The following ERICH3 variants were observed in gnomAD, a reference collection of about 807,000 sequenced individuals.
ERICH3 encodes glutamate rich 3, also known as glutamate-rich protein 3.
In ERICH3, 126 loss-of-function variants were observed where a neutral mutation model predicts 131.1. That is an observed-to-expected ratio of 0.96 (90% confidence interval 0.83 to 1.11). The LOEUF (loss-of-function observed/expected upper bound fraction) is 1.11. Ranked by LOEUF, ERICH3 falls within the 50% of genes most tolerant of loss-of-function variation. The pLI, the probability that ERICH3 is intolerant of heterozygous loss-of-function variation, is 0.00. For missense variants in ERICH3, 2,050 were observed against 1,810.7 expected, an observed-to-expected ratio of 1.13 and a Z score of -2.40; for synonymous variants, 695 against 644.6, an observed-to-expected ratio of 1.08 and a Z score of -1.18.
Position 74,631,808 on chromosome 1 carries a change from C to A in ERICH3, c.724G>T (p.Gly242Trp). Residue 242 changes from glycine to tryptophan, a missense_variant, in exon 7 of 15, where the codon GGG becomes TGG. Physicochemically the swap from Gly to Trp is radical, Grantham distance 184 (BLOSUM62 -2). Coordinates refer to ENST00000326665, the MANE Select transcript of ERICH3 (RefSeq NM_001002912.5). Reference sequence around the variant, plus strand: ...GATCTATTTTCTCTTGTGATTTTCCCAGTTGGGGGAAGTGGAGGAGGAATA... The same window carrying A: ...GATCTATTTTCTCTTGTGATTTTCCAAGTTGGGGGAAGTGGAGGAGGAATA... ...MPIPPPLPPTGKITRENRSET... is the reference protein window; with the variant it reads ...MPIPPPLPPTWKITRENRSET... 3.7e-6 allele frequency: 6 copies of A among 1,613,410 alleles called. No homozygotes were observed. The highest frequency in any genetic ancestry group is 4.2e-6 in the Non-Finnish European group (5 of 1,179,610).
chr1:74,655,153 A>C (rs927769347), intron 1 of ERICH3, among the ~76,000 whole-genome samples: 18 of 152,188 alleles, frequency 1.2e-4, no homozygotes, highest in Non-Finnish European at 2.6e-4. Flanking sequence ...AAATTTCCTC[A>C]AAAGCATACT....
chr1:74,572,764 T>G lies in ERICH3; in HGVS notation c.2946A>C (p.Lys982Asn). Residue 982 changes from lysine to asparagine, a missense_variant, in exon 14 of 15, where the codon AAA becomes AAC. Physicochemically the swap from Lys to Asn is moderately conservative, Grantham distance 94. Transcript: ENST00000326665. ...EAILGGEEPA[K>N]ERKEVMRTET... The stretch of plus-strand genomic sequence containing the variant: ...CTGTTCTCATAACCTCTTTTCTCTC[T>G]TTGGCTGGTTCCTCTCCCCCAAGAA... The G allele has an allele frequency of 1.2e-6, 2 of 1,614,010 alleles. No individual in the cohort carries two copies. The highest frequency in any genetic ancestry group is 1.7e-6 in the Non-Finnish European group (2 of 1,179,990).
Position 74,569,390 on chromosome 1 carries a change from T to C in ERICH3, c.*1068A>G, listed in dbSNP as rs1389436448. On this transcript the variant is annotated 3_prime_UTR_variant, in exon 15 of 15. Transcript: ENST00000326665. ...ATATACATGCGCTCTGGGGCACTTG[T>C]ATGTCTTCAGGGAAATGAAAACCCC... The C allele has an allele frequency of 6.6e-6, 1 of 152,146 alleles. No homozygotes were observed. Among genetic ancestry groups the C allele is most frequent in the Non-Finnish European group, 1.5e-5 (1 of 68,022 alleles). The allele number at this position is 152,146 out of a possible 1,614,324, so 9.4% of individuals were successfully genotyped here. A position where few individuals can be genotyped will look rare whatever the true frequency, so the allele number is the denominator to read the frequency against.
At chr1:74,601,349 A>G (rs929313242) in intron 10 of ERICH3, among the ~76,000 whole-genome samples, 23 of 151,866 alleles carry the variant, frequency 1.5e-4, no homozygotes, top group Non-Finnish European at 2.9e-4. Flanking sequence ...ATTGCAAGAC[A>G]GAAGACATTA....
intron 11 of ERICH3, among the ~76,000 whole-genome samples, chr1:74,595,383 C>A (rs992013816): frequency 6.6e-6 from 1 of 151,858 alleles, no homozygotes; most frequent in Non-Finnish European, 1.5e-5. Flanking sequence ...GGAACATATG[C>A]CCACATACTG....
At chr1:74,622,342 G>T (rs1303084547) in intron 7 of ERICH3, 1 of 152,190 alleles carries the variant, frequency 6.6e-6, no homozygotes, top group Non-Finnish European at 1.5e-5. Context: ...ATATTACAGG[G>T]CATCAAGAGC....
chr1:74,592,593 C>T lies in ERICH3; in HGVS notation c.1727-2513G>A, dbSNP rs75130029. On this transcript the variant is annotated intron_variant, in intron 11 of 14. Transcript: ENST00000326665. Reference sequence around the variant, plus strand: ...GTCATATAATTTTTAAAAATGAGTGCTCCTCTGCCTTTCTTTAGCAGCTTC... The same window carrying T: ...GTCATATAATTTTTAAAAATGAGTGTTCCTCTGCCTTTCTTTAGCAGCTTC... 2.0e-3 allele frequency among the ~76,000 whole-genome samples: 299 copies of T among 152,226 alleles called. 2 individuals carry two copies. The highest frequency in any genetic ancestry group is 6.9e-3 in the African/African-American group (288 of 41,528).
At chr1:74,627,656 T>C (rs537449497) in intron 7 of ERICH3, among the ~76,000 whole-genome samples, 4 of 152,102 alleles carry the variant, frequency 2.6e-5, no homozygotes, top group Admixed American at 6.5e-5. Flanking sequence ...CATATGCATA[T>C]ACACACATAC....
intron 7 of ERICH3, chr1:74,624,076 G>C (rs1649328521): frequency 6.6e-6 from 1 of 152,106 alleles, no homozygotes; most frequent in South Asian, 2.1e-4. Context: ...AATTAACATT[G>C]ATCCAACTGG....
chr1:74,666,354 T>G (rs1344784101), intron 1 of ERICH3, among the ~76,000 whole-genome samples: 1 of 152,196 alleles, frequency 6.6e-6, no homozygotes, highest in Non-Finnish European at 1.5e-5. Context: ...TCAATGTTCT[T>G]CACTTTTAAA....
intron 12 of ERICH3, chr1:74,586,653 T>A: frequency 6.7e-6 from 2 of 299,276 alleles, no homozygotes; most frequent in Non-Finnish European, 9.9e-6. Flanking sequence ...AATAAGACAC[T>A]AAAGTACTAA....
intron 10 of ERICH3, among the ~76,000 whole-genome samples, chr1:74,603,995 G>A (rs1388352207): frequency 2.6e-5 from 4 of 151,894 alleles, no homozygotes; most frequent in African/African-American, 7.2e-5. Flanking sequence ...TCTGTAGCAT[G>A]CAATGCTGTT....
chr1:74,657,259 C>A (rs148190639), intron 1 of ERICH3, among the ~76,000 whole-genome samples: 268 of 151,962 alleles, frequency 1.8e-3, no homozygotes, highest in Middle Eastern at 0.01. Context: ...AAAAATGGTG[C>A]CTTTGTGGCA....
chr1:74,593,438 G>A (rs917480212), intron 11 of ERICH3, among the ~76,000 whole-genome samples: 2 of 152,056 alleles, frequency 1.3e-5, no homozygotes, highest in African/African-American at 2.4e-5. Flanking sequence ...TTAAGGCTCT[G>A]TTTTCTTAAC....
chr1:74,631,400 G>A (rs1023013106), intron 7 of ERICH3, among the ~76,000 whole-genome samples: 4 of 152,058 alleles, frequency 2.6e-5, no homozygotes, highest in African/African-American at 9.7e-5. Context: ...ATGTAAAGAT[G>A]TTTCTAACAA....
intron 5 of ERICH3, among the ~76,000 whole-genome samples, chr1:74,639,787 C>G (rs1646421660): frequency 6.6e-6 from 1 of 151,984 alleles, no homozygotes; most frequent in Non-Finnish European, 1.5e-5. Context: ...TTTCCTTATT[C>G]ACTTAAAAAA....
intron 6 of ERICH3, 97 bp downstream of exon 6, chr1:74,636,183 G>A (rs960958131): frequency 6.9e-6 from 7 of 1,011,148 alleles, no homozygotes; most frequent in Non-Finnish European, 9.6e-6. Flanking sequence ...TTTTCACTGT[G>A]TAGATTTTAA....
At chr1:74,641,509 G>C in intron 4 of ERICH3, 50 bp from the exon 5 acceptor site, 2 of 1,558,112 alleles carry the variant, frequency 1.3e-6, no homozygotes, top group Non-Finnish European at 1.8e-6. Flanking sequence ...AGTAATCTAG[G>C]TTAGATTATG....
chr1:74,634,236 T>G (rs887328982), intron 6 of ERICH3, among the ~76,000 whole-genome samples: 3 of 152,118 alleles, frequency 2.0e-5, no homozygotes, highest in Non-Finnish European at 4.4e-5. Context: ...CAGTATACTT[T>G]GTCTGTGAAC....
Sources: gnomAD v4.1 joint callset for allele counts (sites outside exome capture counted in the v4.1 genomes callset) on GRCh38, gnomAD v4.1.1 for gene constraint, MANE v1.5 for transcripts, NCBI Gene and HGNC (gene_info 2026-07-23, HGNC 2026-07-21) for gene names.